The following KDM6A variants were observed in gnomAD, a reference collection of about 807,000 sequenced individuals.
KDM6A encodes the protein lysine demethylase 6A.
A neutral mutation model predicts 117.6 loss-of-function variants in KDM6A; 11 were observed. That is an observed-to-expected ratio of 0.09 (90% CI 0.06 to 0.15). KDM6A has a LOEUF of 0.15. Among genes scored for constraint, KDM6A ranks in the 10% least tolerant of loss-of-function variants. The pLI is 1.00. For synonymous variants in KDM6A, 384 were observed against 396.1 expected, an observed-to-expected ratio of 0.97 and a Z score of 0.36; for missense variants, 799 against 1,077.3, an observed-to-expected ratio of 0.74 and a Z score of 3.62.
chrX:44,982,377 G>A (rs2039956760), intron 4 of KDM6A, among the ~76,000 whole-genome samples: 1 of 110,817 alleles, frequency 9.0e-6, no homozygotes, highest in African/African-American at 3.3e-5. Flanking sequence ...ATAGAGTTGT[G>A]CTAAAATTTA....
intron 2 of KDM6A, among the ~76,000 whole-genome samples, chrX:44,950,374 T>G (rs1397985427): frequency 8.9e-6 from 1 of 111,897 alleles, no homozygotes; most frequent in Non-Finnish European, 1.9e-5. Context: ...AAATTATCTC[T>G]CATACTGTCC....
chrX:45,058,743 T>C (rs1355092939), intron 10 of KDM6A, among the ~76,000 whole-genome samples: 2 of 111,030 alleles, frequency 1.8e-5, no homozygotes, highest in Non-Finnish European at 3.8e-5. Flanking sequence ...AAGTGATATG[T>C]CCCCTAATCA....
At chrX:44,908,635 C>T (rs1459229897) in intron 2 of KDM6A, among the ~76,000 whole-genome samples, 1 of 111,462 alleles carries the variant, frequency 9.0e-6, no homozygotes, top group Non-Finnish European at 1.9e-5. Context: ...AGTGACCTGT[C>T]GTCAGAAGTC....
At position 45,070,210 on chromosome X, in the gene KDM6A, A is replaced by G. The variant is rs2148054428; in HGVS notation, c.2711A>G (p.His904Arg). 1.7e-6 allele frequency: 2 copies of G among 1,211,251 alleles called. No homozygotes were observed. Among genetic ancestry groups the G allele is most frequent in the Non-Finnish European group, 1.1e-6 (1 of 895,033 alleles). ...CTTAACAGCCCTCACAGTGGGCTAC[A>G]CACAATTAATGGAGAAGGGATGGAA... ...TSLNSPHSGL[H>R]TINGEGMEES... Residue 904 changes from histidine to arginine, a missense_variant, in exon 18 of 30, where the codon CAC (histidine) becomes CGC (arginine). Physicochemically the swap from His to Arg is conservative, Grantham distance 29. Coordinates refer to ENST00000611820, the MANE Select transcript of KDM6A (RefSeq NM_001291415.2).
At chrX:44,895,457 CTTT>C (rs1225560971) in intron 2 of KDM6A, among the ~76,000 whole-genome samples, 1,522 of 81,690 alleles carry the variant, frequency 0.019, 36 homozygotes, top group African/African-American at 0.068. Context: ...TTATTGATTG[CTTT>C]TTTTTTTTTT....
intron 2 of KDM6A, among the ~76,000 whole-genome samples, chrX:44,949,470 T>TA (rs918308004): frequency 7.2e-5 from 7 of 97,221 alleles, no homozygotes; most frequent in Non-Finnish European, 1.2e-4. Flanking sequence ...TCGGGCCTAT[T>TA]AAAAAGTTTT....
rs1022189051 is a variant in KDM6A, at chrX:45,013,672, T to C, written c.443+2653T>C. Among the ~76,000 whole-genome samples the C allele has an allele frequency of 7.1e-5, 8 of 112,098 alleles. No individual in the cohort carries two copies. The Admixed American group carries it at 7.6e-4, about 11-fold the overall frequency. On this transcript the variant is annotated intron_variant, in intron 5 of 29. Coordinates refer to ENST00000611820, the MANE Select transcript of KDM6A (RefSeq NM_001291415.2). ...TGTTCTGGTTACCATCATTTTCTCA[T>C]GTCTTGAGTTTCAATTCTTATAGCT... is the stretch of plus-strand genomic sequence containing the variant.
chrX:44,990,196 C>G (rs1854255327), intron 4 of KDM6A, among the ~76,000 whole-genome samples: 1 of 111,884 alleles, frequency 8.9e-6, no homozygotes, highest in African/African-American at 3.3e-5. Context: ...AAATAAAACA[C>G]AGTTATTTTT....
At chrX:45,062,395 G>A (rs1310510764) in intron 15 of KDM6A, among the ~76,000 whole-genome samples, 1 of 112,109 alleles carries the variant, frequency 8.9e-6, no homozygotes, top group African/African-American at 3.2e-5. Context: ...GTATGGATGA[G>A]TAAAATTTCA....
intron 2 of KDM6A, among the ~76,000 whole-genome samples, chrX:44,889,923 A>G (rs1457075453): frequency 8.9e-6 from 1 of 112,436 alleles, no homozygotes; most frequent in Non-Finnish European, 1.9e-5. Context: ...TGTGTGCTTT[A>G]CCCAGTTTCC....
At chrX:44,885,672 C>T (rs2032795107) in intron 2 of KDM6A, among the ~76,000 whole-genome samples, 2 of 110,409 alleles carry the variant, frequency 1.8e-5, no homozygotes, top group Admixed American at 9.7e-5. Context: ...AGTTCGAGAC[C>T]AGCCTGGCCA....
At chrX:44,889,922 T>C (rs944511285) in intron 2 of KDM6A, among the ~76,000 whole-genome samples, 1 of 112,566 alleles carries the variant, frequency 8.9e-6, no homozygotes, top group African/African-American at 3.2e-5. Context: ...GTGTGTGCTT[T>C]ACCCAGTTTC....
intron 2 of KDM6A, among the ~76,000 whole-genome samples, chrX:44,882,237 T>C (rs1279565646): frequency 8.9e-6 from 1 of 111,840 alleles, no homozygotes; most frequent in East Asian, 2.8e-4. Flanking sequence ...TCAGAAAGTA[T>C]TGCAAATCAA....
At chrX:44,882,967 A>T (rs1255367658) in intron 2 of KDM6A, among the ~76,000 whole-genome samples, 1 of 111,829 alleles carries the variant, frequency 8.9e-6, no homozygotes, top group African/African-American at 3.3e-5. Context: ...AAAACATTTA[A>T]AACTTTTTAT....
Position 45,105,367 on chromosome X carries a change from C to T in KDM6A, c.4035-2043C>T, listed in dbSNP as rs185619654. Among the ~76,000 whole-genome samples the T allele has an allele frequency of 5.2e-3, 577 of 111,285 alleles. 9 individuals are homozygous for T. The highest frequency in any genetic ancestry group is 0.016 in the African/African-American group (478 of 30,598). On this transcript the variant is annotated intron_variant, in intron 27 of 29. Transcript: ENST00000611820. ...GTATATGAAATAGCAAATACATGGC[C>T]CCTGTCTGGTTCTTATTTTTTATTT... is the stretch of plus-strand genomic sequence containing the variant.
At chrX:45,068,163 A>C (rs1215843252) in intron 17 of KDM6A, among the ~76,000 whole-genome samples, 1 of 111,741 alleles carries the variant, frequency 8.9e-6, no homozygotes, top group Non-Finnish European at 1.9e-5. Flanking sequence ...AAAATGCTCT[A>C]ACCTTGTTGC....
intron 2 of KDM6A, among the ~76,000 whole-genome samples, chrX:44,914,762 A>G (rs1297024797): frequency 1.8e-5 from 2 of 110,031 alleles, no homozygotes; most frequent in Non-Finnish European, 3.8e-5. Context: ...CACCCTTCTT[A>G]TTTACATCTA....
At chrX:44,880,173 A>AG (rs1491158118) in intron 2 of KDM6A, among the ~76,000 whole-genome samples, 1 of 68,030 alleles carries the variant, frequency 1.5e-5, no homozygotes, top group African/African-American at 1.5e-4. Context: ...ACTTCATCTC[A>AG]AAAAAAAAAA....
chrX:45,007,191 T>A (rs957087328), intron 4 of KDM6A, among the ~76,000 whole-genome samples: 2 of 111,753 alleles, frequency 1.8e-5, no homozygotes, highest in Admixed American at 9.5e-5. Flanking sequence ...GAGTATGTTT[T>A]AAGAACGCCA....
Sources: allele counts gnomAD v4.1 joint callset (sites outside exome capture counted in the v4.1 genomes callset), GRCh38; gene constraint gnomAD v4.1.1; transcripts MANE v1.5; gene names NCBI Gene and HGNC (gene_info 2026-07-23, HGNC 2026-07-21).